AFF3: variants seen among roughly 807,000 people sequenced by gnomAD.
AFF3 encodes ALF transcription elongation factor 3.
A neutral mutation model predicts 129.7 loss-of-function variants in AFF3; 32 were observed. The ratio of observed to expected loss-of-function variants is 0.25; its 90% CI spans 0.19 to 0.33. AFF3 has a LOEUF of 0.33. Ranked by LOEUF, AFF3 falls within the 10% of genes least tolerant of loss-of-function variation. The pLI is 1.00. For missense variants in AFF3, 1,373 were observed against 1,592.0 expected (o/e 0.86, Z 2.34); for synonymous variants, 644 against 635.4 (o/e 1.01, Z -0.20).
At chr2:99,598,087 G>C (rs1471234714) in intron 14 of AFF3, among the ~76,000 whole-genome samples, 1 of 152,162 alleles carries the variant, frequency 6.6e-6, no homozygotes, top group Non-Finnish European at 1.5e-5. Context: ...AGGGTTTCCA[G>C]AGTCAGATCA....
intron 10 of AFF3, among the ~76,000 whole-genome samples, chr2:99,728,197 T>C (rs2105007943): frequency 6.6e-6 from 1 of 152,344 alleles, no homozygotes; most frequent in African/African-American, 2.4e-5. Flanking sequence ...GGAGTTTCTT[T>C]GTATTTCCTT....
chr2:99,687,759 G>A (rs947696233), intron 11 of AFF3, among the ~76,000 whole-genome samples: 2 of 152,140 alleles, frequency 1.3e-5, no homozygotes, highest in Non-Finnish European at 2.9e-5. Flanking sequence ...GAGGGTTCTC[G>A]AATACTCCGT....
chr2:100,033,976 T>C (rs182362451), intron 4 of AFF3, among the ~76,000 whole-genome samples: 1 of 152,272 alleles, frequency 6.6e-6, no homozygotes, highest in Admixed American at 6.5e-5. Context: ...CAATACATAT[T>C]ATATAGGGCA....
chr2:99,877,575 A>T (rs1274871689), intron 7 of AFF3, among the ~76,000 whole-genome samples: 3 of 152,228 alleles, frequency 2.0e-5, no homozygotes, highest in African/African-American at 7.2e-5. Flanking sequence ...ATTAAAGACC[A>T]TCATTCTATA....
intron 15 of AFF3, among the ~76,000 whole-genome samples, chr2:99,589,214 CTGAT>C (rs369620392): frequency 4.5e-4 from 69 of 152,094 alleles, no homozygotes; most frequent in African/African-American, 1.6e-3. Context: ...AGATGATTAA[CTGAT>C]TGATTGATTC....
At chr2:99,984,637 T>C (rs1479686268) in intron 7 of AFF3, among the ~76,000 whole-genome samples, 1 of 152,106 alleles carries the variant, frequency 6.6e-6, no homozygotes, top group Non-Finnish European at 1.5e-5. Flanking sequence ...GACAAAATAG[T>C]GTATTAATAC....
chr2:100,068,055 T>C (rs1357858281), intron 4 of AFF3, among the ~76,000 whole-genome samples: 1 of 152,202 alleles, frequency 6.6e-6, no homozygotes, highest in Non-Finnish European at 1.5e-5. Flanking sequence ...CAGGAACAGT[T>C]TGTTCTTCTG....
chr2:99,740,390 C>T (rs369325757), intron 10 of AFF3, among the ~76,000 whole-genome samples: 65 of 151,158 alleles, frequency 4.3e-4, no homozygotes, highest in Non-Finnish European at 8.0e-4. Context: ...ATCGCCACAC[C>T]GACTTCCACA....
intron 12 of AFF3, among the ~76,000 whole-genome samples, chr2:99,663,903 C>T (rs996895888): frequency 1.3e-5 from 2 of 152,176 alleles, no homozygotes; most frequent in South Asian, 2.1e-4. Flanking sequence ...TGTCCCTGTC[C>T]TCATGCCTTA....
Position 99,628,738 on chromosome 2 carries a change from T to TTTTTTTTTTA in AFF3, c.1184+20887_1184+20888insTAAAAAAAAA, listed in dbSNP as rs1682841620. Among the ~76,000 whole-genome samples, 10 of 148,230 alleles carry TTTTTTTTTTA rather than the reference T, an allele frequency of 6.7e-5. 1 individual carries two copies. The highest frequency in any genetic ancestry group is 2.0e-4 in the East Asian group (1 of 5,036). The stretch of plus-strand genomic sequence containing the variant: ...TGCTTGACTGATTTTTTTTTTTTTT[T>TTTTTTTTTTA]GAGACAGAGTCTTGTTCTGTTGCCT... On this transcript the variant is annotated intron_variant, in intron 13 of 24. Coordinates refer to ENST00000672756, the MANE Select transcript of AFF3 (RefSeq NM_001386135.1).
At chr2:100,019,646 A>C (rs1683421891) in intron 4 of AFF3, among the ~76,000 whole-genome samples, 1 of 152,322 alleles carries the variant, frequency 6.6e-6, no homozygotes, top group Middle Eastern at 3.4e-3. Context: ...AGAGAGAAGT[A>C]AGACAATAAA....
chr2:99,870,452 G>A (rs1691788756), intron 7 of AFF3, among the ~76,000 whole-genome samples: 1 of 152,212 alleles, frequency 6.6e-6, no homozygotes, highest in Non-Finnish European at 1.5e-5. Context: ...TGTGAAACTG[G>A]CTGAGAAAAG....
At chr2:100,076,221 T>A (rs1688578850) in intron 4 of AFF3, among the ~76,000 whole-genome samples, 2 of 152,194 alleles carry the variant, frequency 1.3e-5, no homozygotes, top group African/African-American at 4.8e-5. Context: ...TCCTCAATTA[T>A]GTCTAACTAC....
intron 4 of AFF3, among the ~76,000 whole-genome samples, chr2:100,016,140 G>A (rs1221830028): frequency 1.2e-4 from 18 of 151,506 alleles, no homozygotes; most frequent in Non-Finnish European, 2.4e-4. Context: ...TGGTGGTGAT[G>A]GTGGTGGTGG....
intron 4 of AFF3, among the ~76,000 whole-genome samples, chr2:100,103,784 G>A (rs1573434262): frequency 2.0e-5 from 3 of 151,950 alleles, no homozygotes; most frequent in Admixed American, 1.3e-4. Context: ...GGGCCCAGAG[G>A]AACTGTGAAC....
At chr2:99,901,854 CA>C (rs954935353) in intron 7 of AFF3, among the ~76,000 whole-genome samples, 5 of 149,742 alleles carry the variant, frequency 3.3e-5, no homozygotes, top group Admixed American at 6.6e-5. Context: ...CTGTGCCCCC[CA>C]GAGCAGAAGG....
intron 7 of AFF3, among the ~76,000 whole-genome samples, chr2:99,909,439 TA>T (rs1370897528): frequency 5.5e-5 from 7 of 126,756 alleles, no homozygotes; most frequent in African/African-American, 2.1e-4. Flanking sequence ...GAGATATACC[TA>T]ATGCTAAATG....
intron 7 of AFF3, among the ~76,000 whole-genome samples, chr2:99,852,471 C>T (rs914514675): frequency 6.6e-6 from 1 of 152,116 alleles, no homozygotes; most frequent in Non-Finnish European, 1.5e-5. Context: ...GAAATGATGT[C>T]CAGGGAGCTC....
intron 2 of AFF3, among the ~76,000 whole-genome samples, chr2:100,116,965 T>G (rs1045242990): frequency 1.4e-4 from 22 of 152,150 alleles, no homozygotes; most frequent in Non-Finnish European, 5.9e-5. Context: ...AATGACAGAT[T>G]AACAGTTCTT....
Sources: gnomAD v4.1 joint callset for allele counts (sites outside exome capture counted in the v4.1 genomes callset) on GRCh38, gnomAD v4.1.1 for gene constraint, MANE v1.5 for transcripts, NCBI Gene and HGNC (gene_info 2026-07-23, HGNC 2026-07-21) for gene names.